EPHX2: variants seen among roughly 807,000 people sequenced by gnomAD.
EPHX2 encodes bifunctional epoxide hydrolase 2.
Under a neutral mutation model 78.7 loss-of-function variants are expected in EPHX2, and 74 were observed. The ratio of observed to expected loss-of-function variants is 0.94; its 90% CI spans 0.78 to 1.14. The LOEUF is 1.14. EPHX2 is among the 50% of genes most tolerant of loss of function. EPHX2 has a pLI of 0.00. For missense variants in EPHX2, 715 were observed against 702.5 expected, an observed-to-expected ratio of 1.02 and a Z score of -0.20; for synonymous variants, 251 against 255.2, an observed-to-expected ratio of 0.98 and a Z score of 0.16.
Position 27,544,618 on chromosome 8 carries a change from A to G in EPHX2, c.*96A>G. The G allele has an allele frequency of 1.6e-6, 2 of 1,212,390 alleles. No homozygotes were observed. Among genetic ancestry groups the G allele is most frequent in the Admixed American group, 1.7e-5 (1 of 57,502 alleles). 75.1% of individuals were successfully genotyped at this position (1,212,390 alleles called of 1,614,324 possible). On this transcript the variant is annotated 3_prime_UTR_variant, in exon 19 of 19. Coordinates refer to ENST00000521400, the MANE Select transcript of EPHX2 (RefSeq NM_001979.6). ...AGAGGTGGCCTTACACACATCTTGC[A>G]TGGATGGCAGCATTGTTCTGAAGGG...
chr8:27,504,915 A>T, intron 3 of EPHX2, 41 bp from the exon 4 acceptor site: 1 of 1,606,770 alleles, frequency 6.2e-7, no homozygotes, highest in Non-Finnish European at 8.5e-7. Flanking sequence ...TTCAGGGCAA[A>T]GGTCTGTAGC....
Position 27,544,440 on chromosome 8 carries a change from C to G in EPHX2, c.1590-4C>G. Reference sequence around the variant, plus strand: ...TTTTTCTTTTACTTCTCCCTTTCCCCCAGGCCAACCGAGGTGAATCAGATC... The same window carrying G: ...TTTTTCTTTTACTTCTCCCTTTCCCGCAGGCCAACCGAGGTGAATCAGATC... On this transcript the variant is annotated splice_region_variant and splice_polypyrimidine_tract_variant and intron_variant, in intron 18 of 18. Transcript: ENST00000521400. 6.2e-7 allele frequency: 1 copy of G among 1,614,088 alleles called. No individual in the cohort carries two copies. Among genetic ancestry groups the G allele is most frequent in the Non-Finnish European group, 8.5e-7 (1 of 1,180,018 alleles).
intron 15 of EPHX2, 105 bp from the exon 16 acceptor site, chr8:27,541,368 G>C: frequency 8.2e-7 from 1 of 1,224,696 alleles, no homozygotes; most frequent in Non-Finnish European, 1.2e-6. Flanking sequence ...AGGAGGCTTT[G>C]CTCTTCCCAG....
At position 27,511,924 on chromosome 8, in the gene EPHX2, G is replaced by A; in HGVS notation, c.735+14G>A. On this transcript the variant is annotated intron_variant, in intron 6 of 18. Coordinates refer to ENST00000521400, the MANE Select transcript of EPHX2 (RefSeq NM_001979.6). ...GTGACAGTAAAGGTGAGTCAGTTTT[G>A]TCTCTCAGTCGGCTAAGTGCTCTCC... The A allele has an allele frequency of 6.2e-7, 1 of 1,613,710 alleles. No individual in the cohort carries two copies. The highest frequency in any genetic ancestry group is 8.5e-7 in the Non-Finnish European group (1 of 1,179,744).
chr8:27,497,177 C>A (rs1813603107), intron 1 of EPHX2, among the ~76,000 whole-genome samples: 1 of 152,152 alleles, frequency 6.6e-6, no homozygotes, highest in South Asian at 2.1e-4. Context: ...TTACCTGGGG[C>A]TCAGTCAGGG....
intron 5 of EPHX2, among the ~76,000 whole-genome samples, chr8:27,510,751 C>T (rs543874502): frequency 2.6e-5 from 4 of 151,702 alleles, no homozygotes; most frequent in South Asian, 4.2e-4. Context: ...GCCAGGAGTT[C>T]GAGGCCAGCC....
intron 11 of EPHX2, 98 bp downstream of exon 11, chr8:27,522,606 A>C: frequency 2.5e-6 from 3 of 1,199,508 alleles, no homozygotes; most frequent in Non-Finnish European, 3.6e-6. Context: ...ACTTCTCAAA[A>C]ACAAGTAGGT....
At chr8:27,506,235 C>T (rs1396792011) in intron 4 of EPHX2, among the ~76,000 whole-genome samples, 1 of 152,184 alleles carries the variant, frequency 6.6e-6, no homozygotes, top group Non-Finnish European at 1.5e-5. Context: ...CCAATCCTTC[C>T]AGTCTCCCAA....
At chr8:27,538,572 A>C in intron 13 of EPHX2, 87 bp from the exon 14 acceptor site, 2 of 1,281,988 alleles carry the variant, frequency 1.6e-6, no homozygotes, top group East Asian at 4.8e-5. Context: ...TTCCTTTGTC[A>C]TTTGTCGTAA....
chr8:27,537,827 G>A (rs1048776091), intron 13 of EPHX2, among the ~76,000 whole-genome samples: 1 of 152,036 alleles, frequency 6.6e-6, no homozygotes, highest in Non-Finnish European at 1.5e-5. Context: ...TTTACTGTTT[G>A]CTACATTTTT....
At position 27,544,803 on chromosome 8, in the gene EPHX2, G is replaced by A. The variant is rs1815534985; in HGVS notation, c.*281G>A. The A allele has an allele frequency of 2.4e-6, 1 of 419,980 alleles. No homozygotes were observed. Among genetic ancestry groups the A allele is most frequent in the Non-Finnish European group, 4.3e-6 (1 of 235,220 alleles). The allele number at this position is 419,980 out of a possible 1,614,324, so 26.0% of individuals were successfully genotyped here. ...TCCTGTAGGGGGACAGAATGGGGTGGCCAGGTGGTGATTTCTCTTTGACCA... is the reference window on the plus strand; with the variant it reads ...TCCTGTAGGGGGACAGAATGGGGTGACCAGGTGGTGATTTCTCTTTGACCA... On this transcript the variant is annotated 3_prime_UTR_variant, in exon 19 of 19. Transcript: ENST00000521400.
At chr8:27,534,972 A>G (rs1007144978) in intron 12 of EPHX2, among the ~76,000 whole-genome samples, 1 of 152,202 alleles carries the variant, frequency 6.6e-6, no homozygotes, top group African/African-American at 2.4e-5. Flanking sequence ...TGAAGGTCAC[A>G]ATGTGTTAAA....
At chr8:27,537,353 C>T (rs1442862884) in intron 13 of EPHX2, among the ~76,000 whole-genome samples, 2 of 152,292 alleles carry the variant, frequency 1.3e-5, no homozygotes, top group South Asian at 2.1e-4. Flanking sequence ...TGAAACATCC[C>T]CTTTAGTAGT....
chr8:27,542,468 A>G (rs1208776830), intron 16 of EPHX2, among the ~76,000 whole-genome samples: 3 of 152,178 alleles, frequency 2.0e-5, no homozygotes, highest in Admixed American at 1.3e-4. Flanking sequence ...ACCTGTTACA[A>G]GCAGTACTGG....
intron 6 of EPHX2, among the ~76,000 whole-genome samples, chr8:27,515,181 G>T (rs1170602675): frequency 6.6e-6 from 1 of 151,262 alleles, no homozygotes; most frequent in Non-Finnish European, 1.5e-5. Flanking sequence ...CTTGCAGAGA[G>T]TCCCTGTTCC....
At chr8:27,509,776 A>G (rs2132731992) in intron 5 of EPHX2, among the ~76,000 whole-genome samples, 1 of 152,292 alleles carries the variant, frequency 6.6e-6, no homozygotes, top group East Asian at 1.9e-4. Context: ...CTTCTTAAAC[A>G]GGGGAGCCTG....
At chr8:27,516,041 C>G (rs986037671) in intron 7 of EPHX2, among the ~76,000 whole-genome samples, 2 of 152,192 alleles carry the variant, frequency 1.3e-5, no homozygotes, top group East Asian at 3.9e-4. Context: ...ACACTCCATG[C>G]CCCCTGCTGG....
In EPHX2 at chr8:27,501,324, TTTCTTCTTCTTCTTCTTCTTC is replaced by T. The variant is rs796293855; in HGVS notation, c.186+365_186+385del. On this transcript the variant is annotated intron_variant, in intron 2 of 18. Coordinates refer to ENST00000521400, the MANE Select transcript of EPHX2 (RefSeq NM_001979.6). ...TAAGAAAGAGGGAAATGCTATATAT[TTTCTTCTTCTTCTTCTTCTTC>T]TTCTTCTTCTTCTTCTTCTTCTTCT... is the stretch of plus-strand genomic sequence containing the variant. Among the ~76,000 whole-genome samples the T allele has an allele frequency of 8.8e-3, 911 of 103,018 alleles. 10 individuals carry two copies. The highest frequency in any genetic ancestry group is 0.011 in the Non-Finnish European group (544 of 49,926). The allele number at this position is 103,018 out of a possible 152,430, so 67.6% of individuals were successfully genotyped here.
At chr8:27,524,277 G>A (rs779963231) in intron 11 of EPHX2, among the ~76,000 whole-genome samples, 1 of 152,072 alleles carries the variant, frequency 6.6e-6, no homozygotes, top group Non-Finnish European at 1.5e-5. Context: ...CTCTTCAGGT[G>A]ATAAGTCAGT....
Sources: allele counts gnomAD v4.1 joint callset (sites outside exome capture counted in the v4.1 genomes callset), GRCh38; gene constraint gnomAD v4.1.1; transcripts MANE v1.5; gene names NCBI Gene and HGNC (gene_info 2026-07-23, HGNC 2026-07-21).